Variants in RPAP2 observed in about 807,000 individuals in gnomAD.
RPAP2 encodes the protein putative RNA polymerase II subunit B1 CTD phosphatase RPAP2.
In RPAP2, 52 loss-of-function variants were observed where a neutral mutation model predicts 73.1. That is an observed-to-expected ratio of 0.71 (90% CI 0.57 to 0.90). The LOEUF is 0.90. Among genes scored for constraint, RPAP2 ranks in the 40% least tolerant of loss-of-function variants. The probability of loss-of-function intolerance (pLI) is 0.00; values close to 1 mark genes in which losing one functional copy is unlikely to be tolerated. For synonymous variants in RPAP2, 225 were observed against 242.1 expected (o/e 0.93, Z 0.65); for missense variants, 598 against 701.8 (o/e 0.85, Z 1.67).
intron 11 of RPAP2, among the ~76,000 whole-genome samples, chr1:92,347,722 G>A (rs1653978749): frequency 6.6e-6 from 1 of 152,096 alleles, no homozygotes; most frequent in African/African-American, 2.4e-5. Context: ...GCATCCATGT[G>A]GCACAAAATA....
At chr1:92,326,883 C>G (rs1220626891) in intron 8 of RPAP2, among the ~76,000 whole-genome samples, 1 of 152,238 alleles carries the variant, frequency 6.6e-6, no homozygotes, top group Non-Finnish European at 1.5e-5. Flanking sequence ...CAGCCTCTCA[C>G]CTGTGAGAAC....
chr1:92,305,019 CAGCTACTCAGAA>C (rs1651102830), intron 5 of RPAP2, among the ~76,000 whole-genome samples: 1 of 152,028 alleles, frequency 6.6e-6, no homozygotes, highest in Non-Finnish European at 1.5e-5. Flanking sequence ...CCTGTAGTCC[CAGCTACTCAGAA>C]AGCTGAGGCA....
Position 92,392,571 on chromosome 1 carries a change from A to G in RPAP2, c.*5560A>G, listed in dbSNP as rs952450216. Reference sequence around the variant, plus strand: ...AAGAGAAAGCAATAAAGCATATTCAAATAGGAAGAGAGGAAGTCAAATTGT... The same window carrying G: ...AAGAGAAAGCAATAAAGCATATTCAGATAGGAAGAGAGGAAGTCAAATTGT... On this transcript the variant is annotated 3_prime_UTR_variant, in exon 13 of 13. Coordinates refer to ENST00000610020, the MANE Select transcript of RPAP2 (RefSeq NM_024813.3). 4 of 152,224 alleles carry G rather than the reference A, an allele frequency of 2.6e-5. No homozygotes were observed. Among genetic ancestry groups the G allele is most frequent in the Non-Finnish European group, 5.9e-5 (4 of 68,038 alleles). 9.4% of individuals were successfully genotyped at this position (152,224 alleles called of 1,614,324 possible).
chr1:92,376,659 T>C (rs1417723346), intron 11 of RPAP2, among the ~76,000 whole-genome samples: 1 of 152,234 alleles, frequency 6.6e-6, no homozygotes. Flanking sequence ...CATTTTTACA[T>C]CTGTAGTCCT....
chr1:92,311,057 T>C (rs1651567432), intron 6 of RPAP2, among the ~76,000 whole-genome samples: 1 of 152,200 alleles, frequency 6.6e-6, no homozygotes. Context: ...ATGAAATGCC[T>C]CTGATATTTT....
chr1:92,323,746 G>T lies in RPAP2; in HGVS notation c.826G>T (p.Asp276Tyr), dbSNP rs769256867. The T allele has an allele frequency of 3.7e-6, 6 of 1,613,960 alleles. No homozygotes were observed. The East Asian group carries it at 1.3e-4, about 36-fold the overall frequency. The change falls in exon 8 of 13, where the codon GAT becomes TAT. Residue 276 changes from aspartate (D) to tyrosine (Y), a missense_variant. Coordinates refer to ENST00000610020, the MANE Select transcript of RPAP2 (RefSeq NM_024813.3). Reference protein sequence around the residue: ...TVVDVTEQLGDCKLDSQEKDA... With the variant: ...TVVDVTEQLGYCKLDSQEKDA... ...AGTAGATGTCACTGAGCAGTTAGGC[G>T]ATTGCAAATTAGATAGTCAGGAGAA...
intron 6 of RPAP2, among the ~76,000 whole-genome samples, chr1:92,312,247 A>G (rs998525957): frequency 3.9e-5 from 6 of 152,102 alleles, no homozygotes; most frequent in Admixed American, 2.0e-4. Context: ...CATCTCTACA[A>G]AGTATTTAAA....
At chr1:92,337,366 A>G (rs1370572825) in intron 10 of RPAP2, among the ~76,000 whole-genome samples, 2 of 152,142 alleles carry the variant, frequency 1.3e-5, no homozygotes, top group African/African-American at 4.8e-5. Context: ...TAAACTGGCA[A>G]ATTTAAAAAC....
chr1:92,379,779 A>T (rs1655543121), intron 11 of RPAP2, among the ~76,000 whole-genome samples: 1 of 151,330 alleles, frequency 6.6e-6, no homozygotes, highest in African/African-American at 2.4e-5. Context: ...TACTAAAAAT[A>T]CAAAAATTAG....
intron 10 of RPAP2, among the ~76,000 whole-genome samples, chr1:92,337,567 A>G (rs528358375): frequency 1.3e-5 from 2 of 152,290 alleles, no homozygotes; most frequent in East Asian, 1.9e-4. Flanking sequence ...TCAAACCTTC[A>G]TAGATTCCAA....
rs1656280992 is a variant in RPAP2, at chr1:92,400,203, G to A, written c.*13192G>A. 1 of 152,234 alleles carries A rather than the reference G, an allele frequency of 6.6e-6. No homozygotes were observed. The highest frequency in any genetic ancestry group is 6.5e-5 in the Admixed American group (1 of 15,284). 9.4% of individuals were successfully genotyped at this position (152,234 alleles called of 1,614,324 possible). ...ATTAGGGAAGCCACCCTCTGTGAGT[G>A]AGTTAAACTGAGATTCCCTCCCCTT... On this transcript the variant is annotated 3_prime_UTR_variant, in exon 13 of 13. Transcript: ENST00000610020.
chr1:92,367,515 G>A (rs1287808753), intron 11 of RPAP2, among the ~76,000 whole-genome samples: 3 of 152,180 alleles, frequency 2.0e-5, no homozygotes, highest in Non-Finnish European at 4.4e-5. Context: ...AACTTCTGAA[G>A]GGTGAGAGAA....
intron 11 of RPAP2, among the ~76,000 whole-genome samples, chr1:92,356,585 A>ATTG (rs763439308): frequency 0.041 from 2,129 of 51,744 alleles, 82 homozygotes; most frequent in East Asian, 0.23. Flanking sequence ...CTCCTGGCTA[A>ATTG]TTTTTTTTTT....
chr1:92,359,845 C>T (rs141649884), intron 11 of RPAP2, among the ~76,000 whole-genome samples: 2 of 152,112 alleles, frequency 1.3e-5, no homozygotes, highest in Non-Finnish European at 2.9e-5. Context: ...TGGGACAGAA[C>T]TTTGTGGGAC....
At chr1:92,344,614 A>G (rs1571097588) in intron 10 of RPAP2, among the ~76,000 whole-genome samples, 1 of 152,118 alleles carries the variant, frequency 6.6e-6, no homozygotes, top group Non-Finnish European at 1.5e-5. Context: ...TTTAGGCTTT[A>G]TATCTAGAAG....
intron 11 of RPAP2, among the ~76,000 whole-genome samples, chr1:92,356,699 T>C (rs1272247120): frequency 2.0e-5 from 3 of 151,320 alleles, no homozygotes; most frequent in Non-Finnish European, 4.4e-5. Context: ...CCTTCCGAAG[T>C]GCTGGGATTA....
intron 6 of RPAP2, among the ~76,000 whole-genome samples, chr1:92,320,345 T>C (rs1287613823): frequency 6.6e-6 from 1 of 152,160 alleles, no homozygotes; most frequent in Non-Finnish European, 1.5e-5. Context: ...CAATCTCGGC[T>C]CACTGCAACC....
At chr1:92,323,201 T>C (rs1453918030) in intron 7 of RPAP2, among the ~76,000 whole-genome samples, 1 of 150,518 alleles carries the variant, frequency 6.6e-6, no homozygotes, top group Non-Finnish European at 1.5e-5. Context: ...GGGAAAAAGA[T>C]GAAGGAAGAA....
At chr1:92,346,195 G>A (rs928954803) in intron 11 of RPAP2, among the ~76,000 whole-genome samples, 7 of 147,764 alleles carry the variant, frequency 4.7e-5, no homozygotes, top group Non-Finnish European at 4.5e-5. Flanking sequence ...ACAGGGTCTC[G>A]CTCTGTTGCC....
Sources: gnomAD v4.1 joint callset for allele counts (sites outside exome capture counted in the v4.1 genomes callset) on GRCh38, gnomAD v4.1.1 for gene constraint, MANE v1.5 for transcripts, NCBI Gene and HGNC (gene_info 2026-07-23, HGNC 2026-07-21) for gene names.